PAPSS2: variants seen among roughly 807,000 people sequenced by gnomAD.
PAPSS2 encodes the protein 3'-phosphoadenosine 5'-phosphosulfate synthase 2.
Under a neutral mutation model 66.5 loss-of-function variants are expected in PAPSS2, and 61 were observed. The observed-to-expected ratio is 0.92, with a 90% CI of 0.75 to 1.14. The LOEUF is 1.14. Among genes scored for constraint, PAPSS2 ranks in the 50% most tolerant of loss-of-function variants. The pLI is 0.00. For missense variants in PAPSS2, 708 were observed against 789.6 expected (o/e 0.90, Z 1.24); for synonymous variants, 289 against 287.5 (o/e 1.01, Z -0.05).
chr10:87,736,199 G>A (rs549540216), intron 9 of PAPSS2, among the ~76,000 whole-genome samples: 1 of 150,998 alleles, frequency 6.6e-6, no homozygotes, highest in Admixed American at 6.6e-5. Context: ...TTCAATACCA[G>A]ATGGAAAATA....
At chr10:87,671,432 A>G (rs949510484) in intron 1 of PAPSS2, among the ~76,000 whole-genome samples, 1 of 152,218 alleles carries the variant, frequency 6.6e-6, no homozygotes, top group East Asian at 1.9e-4. Context: ...AGTTTTAGGA[A>G]CAGTAGTCTT....
intron 10 of PAPSS2, among the ~76,000 whole-genome samples, chr10:87,742,909 A>T (rs1853886826): frequency 6.6e-6 from 1 of 152,326 alleles, no homozygotes; most frequent in South Asian, 2.1e-4. Flanking sequence ...TGCTGGATTA[A>T]CACCTCTAAA....
At chr10:87,678,423 C>T (rs933795716) in intron 1 of PAPSS2, among the ~76,000 whole-genome samples, 5 of 151,958 alleles carry the variant, frequency 3.3e-5, no homozygotes, top group Admixed American at 6.6e-5. Context: ...AGCATAGACA[C>T]CTAAAACGAA....
chr10:87,683,268 T>C (rs924711085), intron 1 of PAPSS2, among the ~76,000 whole-genome samples: 2 of 152,034 alleles, frequency 1.3e-5, no homozygotes, highest in African/African-American at 2.4e-5. Flanking sequence ...AATTTTTGTA[T>C]TTTTAGTAGA....
chr10:87,726,781 T>C (rs1405238730), intron 8 of PAPSS2, among the ~76,000 whole-genome samples: 1 of 152,244 alleles, frequency 6.6e-6, no homozygotes, highest in Non-Finnish European at 1.5e-5. Flanking sequence ...TATCTGATTT[T>C]TTTCTTTGTT....
intron 1 of PAPSS2, among the ~76,000 whole-genome samples, chr10:87,703,276 C>T (rs1038507255): frequency 1.4e-5 from 2 of 145,476 alleles, no homozygotes; most frequent in African/African-American, 5.1e-5. Flanking sequence ...AACAACATTG[C>T]GTGTGTGTGT....
At chr10:87,667,298 C>CA (rs1434924763) in intron 1 of PAPSS2, among the ~76,000 whole-genome samples, 4 of 151,788 alleles carry the variant, frequency 2.6e-5, no homozygotes, top group Admixed American at 1.3e-4. Flanking sequence ...TACAAAAATG[C>CA]AAAAAATTAG....
chr10:87,699,287 T>C (rs1283573838), intron 1 of PAPSS2, among the ~76,000 whole-genome samples: 1 of 152,144 alleles, frequency 6.6e-6, no homozygotes, highest in Non-Finnish European at 1.5e-5. Flanking sequence ...GATGTCAAGG[T>C]TAACATATAT....
At chr10:87,709,728 G>T (rs983869368) in intron 2 of PAPSS2, among the ~76,000 whole-genome samples, 2 of 152,196 alleles carry the variant, frequency 1.3e-5, no homozygotes, top group African/African-American at 2.4e-5. Context: ...GATATTTAGA[G>T]ATATTCGTTA....
intron 2 of PAPSS2, 94 bp downstream of exon 2, chr10:87,709,407 G>T: frequency 1.3e-6 from 1 of 767,454 alleles, no homozygotes; most frequent in Non-Finnish European, 2.3e-6. Context: ...TTACATGCTT[G>T]TTTTATCATT....
In PAPSS2 at chr10:87,713,244, G is replaced by T. The variant is rs1193793573; in HGVS notation, c.315G>T (p.Glu105Asp). 3.7e-6 allele frequency: 6 copies of T among 1,603,748 alleles called. No individual in the cohort carries two copies. Among genetic ancestry groups the T allele is most frequent in the Non-Finnish European group, 5.1e-6 (6 of 1,176,802 alleles). The part of the protein sequence containing the change: ...DREENIRRIA[E>D]VAKLFADAGL... ...AGGAAAATATCCGCCGGATTGCTGA[G>T]GTGGCTAAGCTGTTTGCTGATGCTG... is the stretch of plus-strand genomic sequence containing the variant. The change falls in exon 3 of 13, where the codon GAG (glutamate) becomes GAT (aspartate). Residue 105 changes from glutamate to aspartate, a missense_variant. Transcript: ENST00000456849.
intron 8 of PAPSS2, among the ~76,000 whole-genome samples, chr10:87,726,714 A>G (rs1197397321): frequency 6.6e-6 from 1 of 152,220 alleles, no homozygotes; most frequent in Non-Finnish European, 1.5e-5. Context: ...CACAGCTGTC[A>G]TAAGTAACTT....
chr10:87,725,884 T>TACACAC (rs60791274), intron 8 of PAPSS2, among the ~76,000 whole-genome samples: 3,843 of 140,390 alleles, frequency 0.027, 87 homozygotes, highest in African/African-American at 0.065. Flanking sequence ...TATGTGTGTA[T>TACACAC]ACACACACAC....
chr10:87,723,891 A>T (rs928112901), intron 8 of PAPSS2, among the ~76,000 whole-genome samples: 2 of 152,210 alleles, frequency 1.3e-5, no homozygotes, highest in Non-Finnish European at 2.9e-5. Context: ...ATCATGGCAC[A>T]TTCCCTCAGG....
chr10:87,675,841 G>A (rs981295583), intron 1 of PAPSS2, among the ~76,000 whole-genome samples: 1 of 152,136 alleles, frequency 6.6e-6, no homozygotes, highest in African/African-American at 2.4e-5. Flanking sequence ...TCTTGGTTCA[G>A]CCAGGCTTGA....
chr10:87,665,215 CTT>C (rs34073508), intron 1 of PAPSS2, among the ~76,000 whole-genome samples: 150 of 146,850 alleles, frequency 1.0e-3, no homozygotes, highest in South Asian at 1.9e-3. Context: ...GAATTTACCA[CTT>C]TTTTTTTTTT....
At position 87,692,882 on chromosome 10, in the gene PAPSS2, A is replaced by G. The variant is rs906821647; in HGVS notation, c.28-16314A>G. Among the ~76,000 whole-genome samples the G allele has an allele frequency of 5.3e-5, 8 of 152,166 alleles. No homozygotes were observed. The East Asian group carries it at 1.5e-3, about 29-fold the overall frequency. On this transcript the variant is annotated intron_variant, in intron 1 of 12. Transcript: ENST00000456849. ...ACTGAGTGTGCAGGGGAAAGAGGAT[A>G]AACACTGAAGATCTTGCCAATAATC...
chr10:87,679,714 C>G (rs1852994211), intron 1 of PAPSS2, among the ~76,000 whole-genome samples: 1 of 152,022 alleles, frequency 6.6e-6, no homozygotes. Context: ...ATATAGAACT[C>G]CTATAAATCA....
chr10:87,719,892 A>C (rs1853574379), intron 7 of PAPSS2, among the ~76,000 whole-genome samples: 1 of 151,734 alleles, frequency 6.6e-6, no homozygotes, highest in African/African-American at 2.4e-5. Context: ...TTCTTATTTT[A>C]TTTTATTTTT....
Sources: gnomAD v4.1 joint callset for allele counts (sites outside exome capture counted in the v4.1 genomes callset) on GRCh38, gnomAD v4.1.1 for gene constraint, MANE v1.5 for transcripts, NCBI Gene and HGNC (gene_info 2026-07-23, HGNC 2026-07-21) for gene names.